N4BP2: variants seen among roughly 807,000 people sequenced by gnomAD.
N4BP2 encodes NEDD4 binding protein 2.
N4BP2 carries 91 observed loss-of-function variants against 152.8 expected under a neutral mutation model. The observed-to-expected ratio is 0.60, with a 90% CI of 0.50 to 0.71. N4BP2 has a LOEUF of 0.71. Among genes scored for constraint, N4BP2 ranks in the 30% least tolerant of loss-of-function variants. The pLI is 0.00. For missense variants in N4BP2, 1,923 were observed against 2,059.1 expected (o/e 0.93, Z 1.28); for synonymous variants, 646 against 705.3 (o/e 0.92, Z 1.33).
At chr4:40,118,114 A>G (rs1454482499) in intron 8 of N4BP2, 90 bp downstream of exon 8, 5 of 1,134,778 alleles carry the variant, frequency 4.4e-6, no homozygotes, top group Non-Finnish European at 5.9e-6. Context: ...ATTGCTGATA[A>G]ACTTTAAAAA....
At chr4:40,179,362 T>C in the N4BP2 span, among the ~76,000 whole-genome samples, 1 of 152,176 alleles carries the variant, frequency 6.6e-6, no homozygotes, top group East Asian at 1.9e-4. Flanking sequence ...AGAGTGAGAC[T>C]CCATCTCAAC....
intron 2 of N4BP2, among the ~76,000 whole-genome samples, chr4:40,085,621 A>G (rs1394814337): frequency 6.6e-6 from 1 of 151,934 alleles, no homozygotes; most frequent in Non-Finnish European, 1.5e-5. Context: ...TGCCTGGCTA[A>G]TTTTTAAATT....
chr4:40,139,392 T>G (rs2110026705), intron 14 of N4BP2, among the ~76,000 whole-genome samples: 1 of 152,040 alleles, frequency 6.6e-6, no homozygotes, highest in South Asian at 2.1e-4. Context: ...CCACCGCACC[T>G]GGCCTGGAAT....
At chr4:40,095,891 C>T (rs1257654752) in intron 2 of N4BP2, among the ~76,000 whole-genome samples, 1 of 152,000 alleles carries the variant, frequency 6.6e-6, no homozygotes, top group Non-Finnish European at 1.5e-5. Flanking sequence ...TTAGATCAGA[C>T]CCTTTTTACA....
intron 16 of N4BP2, among the ~76,000 whole-genome samples, chr4:40,150,820 C>T (rs1333026349): frequency 6.6e-6 from 1 of 152,008 alleles, no homozygotes; most frequent in Non-Finnish European, 1.5e-5. Context: ...AATCTTGATG[C>T]CAACAAATTA....
intron 1 of N4BP2, among the ~76,000 whole-genome samples, chr4:40,058,217 C>T (rs148292693): frequency 6.6e-6 from 1 of 152,322 alleles, no homozygotes; most frequent in East Asian, 1.9e-4. Flanking sequence ...CTTTCAAACA[C>T]CAGCTGTCTT....
At chr4:40,109,127 T>A (rs1257503321) in intron 5 of N4BP2, among the ~76,000 whole-genome samples, 1 of 152,206 alleles carries the variant, frequency 6.6e-6, no homozygotes, top group Non-Finnish European at 1.5e-5. Flanking sequence ...CAGTCTTTTA[T>A]GATAAGTGTA....
chr4:40,142,845 C>T lies in N4BP2; in HGVS notation c.4958C>T (p.Thr1653Ile), dbSNP rs754272549. ...CGGATAGGGAAAAAAAATGTCGCCACCTTTTATGCCCAGCAGGTAAAGTGG... is the reference window on the plus strand; with the variant it reads ...CGGATAGGGAAAAAAAATGTCGCCATCTTTTATGCCCAGCAGGTAAAGTGG... ...AYRIGKKNVATFYAQQGTLHE... is the reference protein window; with the variant it reads ...AYRIGKKNVAIFYAQQGTLHE... Residue 1653 changes from threonine (T) to isoleucine (I), a missense_variant, in exon 15 of 18, where the codon ACC (threonine) becomes ATC (isoleucine). Thr to Ile is a moderately conservative substitution (Grantham distance 89). Coordinates refer to ENST00000261435, the MANE Select transcript of N4BP2 (RefSeq NM_018177.6). The T allele has an allele frequency of 1.7e-5, 27 of 1,613,384 alleles. No individual in the cohort carries two copies. The highest frequency in any genetic ancestry group is 2.2e-5 in the East Asian group (1 of 44,864).
At chr4:40,151,742 G>A (rs192275321) in intron 16 of N4BP2, among the ~76,000 whole-genome samples, 2 of 152,314 alleles carry the variant, frequency 1.3e-5, no homozygotes, top group Admixed American at 1.3e-4. Context: ...TGAATTTTGA[G>A]CAACATATTG....
Position 40,120,942 on chromosome 4 carries a change from C to A in N4BP2, c.2831C>A (p.Ser944Tyr). The A allele has an allele frequency of 6.2e-7, 1 of 1,614,100 alleles. No individual in the cohort carries two copies. The highest frequency in any genetic ancestry group is 1.7e-5 in the Admixed American group (1 of 60,014). Residue 944 changes from serine to tyrosine, a missense_variant, in exon 9 of 18, where the codon TCC becomes TAC. Transcript: ENST00000261435. ...CAAAAACTAAAGACATTGGGTAGCT[C>A]CAATCTAGGAAGTTCTGAAATGCTG... is the stretch of plus-strand genomic sequence containing the variant. ...SSQKLKTLGS[S>Y]NLGSSEMLLS...
At chr4:40,083,532 A>C (rs944719561) in intron 2 of N4BP2, among the ~76,000 whole-genome samples, 3 of 152,202 alleles carry the variant, frequency 2.0e-5, no homozygotes, top group Admixed American at 6.6e-5. Flanking sequence ...AGGCTACAAC[A>C]TGGATGAACC....
chr4:40,134,743 G>A (rs1719201549), intron 13 of N4BP2, among the ~76,000 whole-genome samples: 1 of 152,142 alleles, frequency 6.6e-6, no homozygotes. Context: ...GGAACTGGTA[G>A]TTGCACATGG....
At chr4:40,172,772 A>T in the N4BP2 span, among the ~76,000 whole-genome samples, 2 of 152,230 alleles carry the variant, frequency 1.3e-5, no homozygotes, top group South Asian at 4.1e-4. Flanking sequence ...TCAACTCAGC[A>T]GTGTGTTTGA....
chr4:40,147,483 G>A (rs1445737214), intron 16 of N4BP2, among the ~76,000 whole-genome samples: 1 of 151,772 alleles, frequency 6.6e-6, no homozygotes, highest in Non-Finnish European at 1.5e-5. Flanking sequence ...TTCCCAGAAG[G>A]GGCGGCCGGG....
intron 17 of N4BP2, 135 bp downstream of exon 17, chr4:40,153,038 G>C (rs945141371): frequency 9.2e-5 from 66 of 714,242 alleles, no homozygotes; most frequent in Admixed American, 8.5e-4. Flanking sequence ...CACTAATAGC[G>C]TACTCAGAAC....
chr4:40,090,670 C>T (rs1350355915), intron 2 of N4BP2, among the ~76,000 whole-genome samples: 3 of 152,092 alleles, frequency 2.0e-5, no homozygotes, highest in African/African-American at 4.8e-5. Context: ...TGGTGAGTCA[C>T]GCCTGTAATC....
the N4BP2 span, among the ~76,000 whole-genome samples, chr4:40,179,085 G>A: frequency 6.6e-6 from 1 of 152,020 alleles, no homozygotes; most frequent in Non-Finnish European, 1.5e-5. Flanking sequence ...AAACGTTTTG[G>A]AGGCTGGGCG....
At chr4:40,062,078 CTT>C (rs71194968) in intron 1 of N4BP2, among the ~76,000 whole-genome samples, 1 of 132,382 alleles carries the variant, frequency 7.6e-6, no homozygotes, top group Non-Finnish European at 1.5e-5. Context: ...TTTTTGGTTA[CTT>C]TTTTTTTTTT....
intron 1 of N4BP2, among the ~76,000 whole-genome samples, chr4:40,066,320 C>CCTTTT (rs796388604): frequency 1.5e-5 from 2 of 129,068 alleles, no homozygotes; most frequent in Non-Finnish European, 3.2e-5. Context: ...GTGATTTTCC[C>CCTTTT]TTTTTTTTTT....
Sources: allele counts gnomAD v4.1 joint callset (sites outside exome capture counted in the v4.1 genomes callset), GRCh38; gene constraint gnomAD v4.1.1; transcripts MANE v1.5; gene names NCBI Gene and HGNC (gene_info 2026-07-23, HGNC 2026-07-21).